The following CA8 variants were observed in gnomAD, a reference collection of about 807,000 sequenced individuals.
CA8 encodes the protein carbonic anhydrase 8 (inactive).
CA8 carries 22 observed loss-of-function variants against 41.4 expected under a neutral mutation model. The ratio of observed to expected loss-of-function variants is 0.53; its 90% CI spans 0.38 to 0.76. The LOEUF is 0.76. CA8 is among the 30% of genes least tolerant of loss of function. The pLI is 0.00. For synonymous variants in CA8, 121 were observed against 130.6 expected (o/e 0.93, Z 0.50); for missense variants, 270 against 352.8 (o/e 0.77, Z 1.88).
At position 60,281,344 on chromosome 8, in the gene CA8, ACCCGCGTGGGAAGCGCGTCCGGAGG is replaced by A; in HGVS notation, c.-222_-198del. The A allele has an allele frequency of 1.7e-6, 1 of 578,820 alleles. No individual in the cohort carries two copies. Among genetic ancestry groups the A allele is most frequent in the South Asian group, 2.0e-5 (1 of 50,282 alleles). The allele number at this position is 578,820 out of a possible 1,614,324, so 35.9% of individuals were successfully genotyped here. On this transcript the variant is annotated 5_prime_UTR_variant, in exon 1 of 9. Transcript: ENST00000317995. ...TGCGTTCGGACCGAGTGTTCCAGAGACCCGCGTGGGAAGCGCGTCCGGAGGCCCCAGCAGAGCGAGGGAGCGGCTG... is the reference window on the plus strand; with the variant it reads ...TGCGTTCGGACCGAGTGTTCCAGAGACCCCAGCAGAGCGAGGGAGCGGCTG...
chr8:60,195,207 G>C (rs1201217425), intron 8 of CA8, among the ~76,000 whole-genome samples: 2 of 152,114 alleles, frequency 1.3e-5, no homozygotes, highest in Admixed American at 6.6e-5. Flanking sequence ...TCAAAGTATG[G>C]CCACATCCTA....
intron 8 of CA8, among the ~76,000 whole-genome samples, chr8:60,205,487 T>G (rs1170169317): frequency 2.0e-5 from 3 of 152,176 alleles, no homozygotes; most frequent in Non-Finnish European, 2.9e-5. Flanking sequence ...CATTTGTTCA[T>G]TGTTATTAAA....
At chr8:60,273,166 G>C (rs1804124416) in intron 2 of CA8, among the ~76,000 whole-genome samples, 2 of 152,226 alleles carry the variant, frequency 1.3e-5, no homozygotes, top group Non-Finnish European at 2.9e-5. Flanking sequence ...GCTGTCATGT[G>C]AGCAACAGCT....
At chr8:60,225,447 T>G (rs900297830) in intron 5 of CA8, among the ~76,000 whole-genome samples, 1 of 152,214 alleles carries the variant, frequency 6.6e-6, no homozygotes, top group African/African-American at 2.4e-5. Context: ...TATTAGATGA[T>G]GAAATAAAGG....
chr8:60,253,106 G>A (rs1459952405), intron 3 of CA8, among the ~76,000 whole-genome samples: 1 of 151,990 alleles, frequency 6.6e-6, no homozygotes, highest in Non-Finnish European at 1.5e-5. Context: ...ATAGTGGCAC[G>A]CACTTATAGT....
Position 60,208,902 on chromosome 8 carries a change from C to T in CA8, c.756G>A (p.Arg252=), listed in dbSNP as rs769815938. The change falls in exon 8 of 9, where the codon AGG becomes AGA. Residue 252 remains arginine, a synonymous_variant. Transcript: ENST00000317995. ...CTGCCCCCTTAACATGTGTCCTCAG[C>T]CTTCGAAATTCTTCTATCTGAAAAT... ...ISQLQIEEFR[R]LRTHVKGAEL... is the part of the protein sequence containing the mutation. 1 of 1,614,008 alleles carries T rather than the reference C, an allele frequency of 6.2e-7. No homozygotes were observed. Among genetic ancestry groups the T allele is most frequent in the South Asian group, 1.1e-5 (1 of 91,068 alleles).
intron 7 of CA8, among the ~76,000 whole-genome samples, chr8:60,216,851 C>A (rs953151320): frequency 1.3e-5 from 2 of 152,134 alleles, no homozygotes; most frequent in Non-Finnish European, 2.9e-5. Context: ...AAATCTAAAC[C>A]TTTCAATAAA....
intron 3 of CA8, among the ~76,000 whole-genome samples, chr8:60,233,464 A>C (rs1228200204): frequency 1.3e-5 from 2 of 152,204 alleles, no homozygotes; most frequent in Non-Finnish European, 1.5e-5. Flanking sequence ...AACTAGGAAA[A>C]CACTGTACCC....
intron 8 of CA8, among the ~76,000 whole-genome samples, chr8:60,201,474 G>A (rs1422143855): frequency 6.6e-6 from 1 of 152,096 alleles, no homozygotes; most frequent in African/African-American, 2.4e-5. Flanking sequence ...CAGGTAGAAA[G>A]AAAACTGGGT....
At chr8:60,270,501 C>T (rs945562245) in intron 2 of CA8, among the ~76,000 whole-genome samples, 7 of 151,270 alleles carry the variant, frequency 4.6e-5, no homozygotes, top group Non-Finnish European at 8.9e-5. Context: ...CTGCAACCTC[C>T]GCCTCCCAGG....
chr8:60,266,187 T>G (rs1337589017), intron 2 of CA8, 138 bp from the exon 3 acceptor site: 2 of 765,622 alleles, frequency 2.6e-6, no homozygotes, highest in African/African-American at 1.8e-5. Context: ...AATGAGAAAT[T>G]TATCACAACT....
intron 2 of CA8, 49 bp downstream of exon 2, chr8:60,279,640 A>G: frequency 6.7e-7 from 1 of 1,486,032 alleles, no homozygotes. Context: ...CAATAACTCT[A>G]CGCTGACTTC....
At chr8:60,261,072 G>A (rs893298918) in intron 3 of CA8, among the ~76,000 whole-genome samples, 2 of 152,030 alleles carry the variant, frequency 1.3e-5, no homozygotes, top group Non-Finnish European at 2.9e-5. Flanking sequence ...ATGCTACCAT[G>A]TGCCGCCTGG....
chr8:60,247,095 G>A (rs1808271472), intron 3 of CA8, among the ~76,000 whole-genome samples: 1 of 151,988 alleles, frequency 6.6e-6, no homozygotes. Flanking sequence ...GTGTTAGCCA[G>A]GATGATCTCG....
chr8:60,238,029 T>C (rs1474253894), intron 3 of CA8, among the ~76,000 whole-genome samples: 11 of 152,328 alleles, frequency 7.2e-5, no homozygotes, highest in Non-Finnish European at 7.4e-5. Context: ...GACCGAGCTT[T>C]TGCTACAGGA....
At chr8:60,234,871 T>C (rs542043103) in intron 3 of CA8, among the ~76,000 whole-genome samples, 92 of 152,306 alleles carry the variant, frequency 6.0e-4, no homozygotes, top group African/African-American at 2.0e-3. Flanking sequence ...CTTTCTCTCA[T>C]TTTCAGGCCA....
At chr8:60,277,921 A>G (rs12543911) in intron 2 of CA8, among the ~76,000 whole-genome samples, 36,371 of 152,096 alleles carry the variant, frequency 0.24, 4,968 homozygotes, top group East Asian at 0.4. Flanking sequence ...CCAGGGAGGC[A>G]GGAAAAAAGG....
intron 6 of CA8, among the ~76,000 whole-genome samples, chr8:60,223,143 A>G (rs1243446793): frequency 1.3e-5 from 2 of 152,252 alleles, no homozygotes; most frequent in African/African-American, 4.8e-5. Flanking sequence ...CCTTCACAAC[A>G]AACCAGTGAG....
chr8:60,237,452 G>T (rs998211737), intron 3 of CA8, among the ~76,000 whole-genome samples: 8 of 152,210 alleles, frequency 5.3e-5, no homozygotes, highest in African/African-American at 1.9e-4. Flanking sequence ...CCATTTCTAA[G>T]GAGAGCAAGG....
Sources: gnomAD v4.1 joint callset for allele counts (sites outside exome capture counted in the v4.1 genomes callset) on GRCh38, gnomAD v4.1.1 for gene constraint, MANE v1.5 for transcripts, NCBI Gene and HGNC (gene_info 2026-07-23, HGNC 2026-07-21) for gene names.